The following FBXO34 variants were observed in gnomAD, a reference collection of about 807,000 sequenced individuals.
The protein encoded by FBXO34 is F-box protein 34, also known as F-box only protein 34.
FBXO34 carries 12 observed loss-of-function variants against 24.5 expected under a neutral mutation model. That is an observed-to-expected ratio of 0.49 (90% confidence interval 0.31 to 0.79). The LOEUF (loss-of-function observed/expected upper bound fraction) is 0.79. FBXO34 is among the 30% of genes least tolerant of loss of function. The pLI is 0.04. For missense variants in FBXO34, 823 were observed against 857.7 expected (o/e 0.96, Z 0.51); for synonymous variants, 320 against 311.9 (o/e 1.03, Z -0.27).
intron 1 of FBXO34, among the ~76,000 whole-genome samples, chr14:55,329,084 G>A (rs1270639552): frequency 7.8e-6 from 1 of 128,514 alleles, no homozygotes; most frequent in Non-Finnish European, 1.8e-5. Context: ...AGAGAGTGGA[G>A]TAGCCTAAAG....
At chr14:55,417,572 G>A in the FBXO34 span, among the ~76,000 whole-genome samples, 1 of 151,326 alleles carries the variant, frequency 6.6e-6, no homozygotes, top group Non-Finnish European at 1.5e-5. Flanking sequence ...TGATTCTCAT[G>A]CCTCAGCCTC....
At chr14:55,358,296 C>T (rs537673629), downstream of FBXO34, among the ~76,000 whole-genome samples, 9 of 152,314 alleles carry the variant, frequency 5.9e-5, no homozygotes, top group African/African-American at 2.2e-4. Context: ...GTGCTCCATG[C>T]AGGGTCTTGA....
chr14:55,276,574 C>T (rs768776608), intron 1 of FBXO34, among the ~76,000 whole-genome samples: 5 of 152,016 alleles, frequency 3.3e-5, no homozygotes, highest in Non-Finnish European at 5.9e-5. Flanking sequence ...AGACGGCTAA[C>T]GCTCAAAATT....
At chr14:55,323,225 A>ATATATATAT (rs1555337925) in intron 1 of FBXO34, among the ~76,000 whole-genome samples, 2 of 19,204 alleles carry the variant, frequency 1.0e-4, no homozygotes, top group Admixed American at 7.5e-4. Context: ...AAAAATATAT[A>ATATATATAT]TTTTTTTTTT....
downstream of FBXO34, chr14:55,369,618 G>T (rs766570685): frequency 6.6e-7 from 1 of 1,510,788 alleles, no homozygotes; most frequent in Non-Finnish European, 8.9e-7. Flanking sequence ...GTCCATGCTC[G>T]TTAACGGTGT....
chr14:55,411,072 G>A, the FBXO34 span, among the ~76,000 whole-genome samples: 22 of 152,162 alleles, frequency 1.4e-4, no homozygotes, highest in African/African-American at 5.3e-4. Context: ...GCAGGGAGGG[G>A]AAAGGGGCGT....
intron 1 of FBXO34, among the ~76,000 whole-genome samples, chr14:55,320,617 G>A (rs1241277701): frequency 6.6e-6 from 1 of 152,136 alleles, no homozygotes; most frequent in African/African-American, 2.4e-5. Flanking sequence ...AATTAGCCGG[G>A]TGTGGTAGTG....
Position 55,351,798 on chromosome 14 carries a change from A to G in FBXO34, c.1408A>G (p.Ile470Val), listed in dbSNP as rs375521135. The change falls in exon 2 of 2, where the codon ATT (isoleucine) becomes GTT (valine). Residue 470 changes from isoleucine (I) to valine (V), a missense_variant. By Grantham distance (29) the Ile-to-Val change is conservative. Coordinates refer to ENST00000313833, the MANE Select transcript of FBXO34 (RefSeq NM_017943.4). Reference protein sequence around the residue: ...VSKVDKDQPSILNSCEDPVPG... With the variant: ...VSKVDKDQPSVLNSCEDPVPG... The stretch of plus-strand genomic sequence containing the variant: ...CAAGGTAGACAAAGACCAGCCTTCC[A>G]TTTTAAACTCCTGTGAAGACCCAGT... The G allele has an allele frequency of 4.3e-6, 7 of 1,614,006 alleles. No homozygotes were observed. The African/African-American group carries it at 8.0e-5, about 18-fold the overall frequency.
the FBXO34 span, among the ~76,000 whole-genome samples, chr14:55,379,716 AT>A: frequency 6.6e-6 from 1 of 152,050 alleles, no homozygotes. Context: ...ATATCTTTAA[AT>A]TTTCTGAATT....
the FBXO34 span, among the ~76,000 whole-genome samples, chr14:55,387,109 C>T: frequency 1.3e-5 from 2 of 152,074 alleles, no homozygotes; most frequent in African/African-American, 2.4e-5. Context: ...GGCTCGACTC[C>T]ACGCCTTCAT....
At chr14:55,297,632 A>C (rs1027468064) in intron 1 of FBXO34, among the ~76,000 whole-genome samples, 6 of 152,336 alleles carry the variant, frequency 3.9e-5, no homozygotes, top group African/African-American at 1.4e-4. Context: ...ATTTTAGATT[A>C]TTTTTCTTTT....
chr14:55,288,773 G>A (rs1044926278), intron 1 of FBXO34, among the ~76,000 whole-genome samples: 4 of 152,156 alleles, frequency 2.6e-5, no homozygotes, highest in African/African-American at 9.7e-5. Flanking sequence ...ATATAGGGCC[G>A]GGCATGGTGG....
At chr14:55,428,163 T>C in the FBXO34 span, among the ~76,000 whole-genome samples, 1 of 112,628 alleles carries the variant, frequency 8.9e-6, no homozygotes, top group East Asian at 3.2e-4. Context: ...GGAGTCTCGC[T>C]CTGTCGCCCA....
intron 1 of FBXO34, among the ~76,000 whole-genome samples, chr14:55,290,416 T>C: frequency 6.6e-6 from 1 of 151,846 alleles, no homozygotes; most frequent in East Asian, 1.9e-4. Context: ...ATAAAATAAA[T>C]AAATTAATTA....
At chr14:55,364,895 CCTGG>C (rs577521423), downstream of FBXO34, among the ~76,000 whole-genome samples, 211 of 151,750 alleles carry the variant, frequency 1.4e-3, no homozygotes, top group Non-Finnish European at 2.5e-3. Context: ...CACGACCATG[CCTGG>C]CTAATTTTTC....
chr14:55,352,600 G>T lies in FBXO34; in HGVS notation c.*74G>T, dbSNP rs114576128. On this transcript the variant is annotated 3_prime_UTR_variant, in exon 2 of 2. Coordinates refer to ENST00000313833, the MANE Select transcript of FBXO34 (RefSeq NM_017943.4). ...ACCTAGATACACCGTTCAAATGAGC[G>T]TAGCCCCCTGAGTCATCACTCTAGA... 4.8e-3 allele frequency: 5,873 copies of T among 1,231,622 alleles called. 145 individuals carry two copies. In the African/African-American group the frequency reaches 0.063, roughly 13 times the overall value. The allele number at this position is 1,231,622 out of a possible 1,614,324, so 76.3% of individuals were successfully genotyped here. A position where few individuals can be genotyped will look rare whatever the true frequency, so the allele number is the denominator to read the frequency against.
the FBXO34 span, among the ~76,000 whole-genome samples, chr14:55,385,536 G>A: frequency 2.0e-5 from 3 of 152,216 alleles, no homozygotes; most frequent in Admixed American, 2.0e-4. Context: ...CAGGTGATTC[G>A]CCTGCCTCGG....
chr14:55,428,709 T>TTA, the FBXO34 span: 1 of 1,306,258 alleles, frequency 7.7e-7, no homozygotes. Flanking sequence ...TTTTTTTTTT[T>TTA]AATCACAATT....
chr14:55,334,574 G>GATGTGAT, intron 1 of FBXO34, among the ~76,000 whole-genome samples: 5 of 152,086 alleles, frequency 3.3e-5, no homozygotes, highest in African/African-American at 1.2e-4. Flanking sequence ...GCAACGAGGA[G>GATGTGAT]CCAGTTGGAG....
Sources: gnomAD v4.1 joint callset for allele counts (sites outside exome capture counted in the v4.1 genomes callset) on GRCh38, gnomAD v4.1.1 for gene constraint, MANE v1.5 for transcripts, NCBI Gene and HGNC (gene_info 2026-07-23, HGNC 2026-07-21) for gene names.